The following PATL1 variants were observed in gnomAD, a reference collection of about 807,000 sequenced individuals.
The protein encoded by PATL1 is PAT1 homolog 1, processing body mRNA decay factor.
PATL1 carries 32 observed loss-of-function variants against 100.6 expected under a neutral mutation model. The ratio of observed to expected loss-of-function variants is 0.32; its 90% confidence interval spans 0.24 to 0.43. The LOEUF (loss-of-function observed/expected upper bound fraction) is 0.43, where lower values mean the gene tolerates loss of function less well. PATL1 is among the 20% of genes least tolerant of loss of function. PATL1 has a pLI of 1.00. For synonymous variants in PATL1, 332 were observed against 330.0 expected, an observed-to-expected ratio of 1.01 and a Z score of -0.07; for missense variants, 747 against 949.9, an observed-to-expected ratio of 0.79 and a Z score of 2.81.
chr11:59,648,835 T>A (rs1332515625), intron 14 of PATL1, among the ~76,000 whole-genome samples: 4 of 152,240 alleles, frequency 2.6e-5, no homozygotes, highest in Non-Finnish European at 5.9e-5. Context: ...TTCTTATGTT[T>A]GGTTTTGTGT....
intron 8 of PATL1, among the ~76,000 whole-genome samples, 191 bp downstream of exon 8, chr11:59,655,332 G>T (rs1180189573): frequency 6.6e-6 from 1 of 152,068 alleles, no homozygotes; most frequent in Non-Finnish European, 1.5e-5. Flanking sequence ...CATACCCTCT[G>T]GTAATGTGAG....
chr11:59,640,170 C>T (rs1861255883), intron 16 of PATL1, among the ~76,000 whole-genome samples: 1 of 150,748 alleles, frequency 6.6e-6, no homozygotes, highest in Admixed American at 6.6e-5. Flanking sequence ...GGTGAAACTC[C>T]GTCTCTACTA....
At chr11:59,662,143 A>G (rs187312476) in intron 2 of PATL1, among the ~76,000 whole-genome samples, 2 of 152,334 alleles carry the variant, frequency 1.3e-5, no homozygotes, top group East Asian at 1.9e-4. Context: ...TTTCAAATAT[A>G]TAATTTTGGT....
At chr11:59,659,014 G>A in intron 3 of PATL1, 68 bp from the exon 4 acceptor site, 1 of 1,365,404 alleles carries the variant, frequency 7.3e-7, no homozygotes, top group East Asian at 2.5e-5. Context: ...ATCTGCTGCT[G>A]GGGAACAAGG....
intron 9 of PATL1, among the ~76,000 whole-genome samples, chr11:59,653,398 A>G (rs1461241301): frequency 6.6e-6 from 1 of 152,210 alleles, no homozygotes. Context: ...AAGGGATTTT[A>G]ACACAGGCGA....
At chr11:59,668,857 T>C (rs766855514) in intron 1 of PATL1, 24 bp downstream of exon 1, 47 of 1,289,204 alleles carry the variant, frequency 3.6e-5, no homozygotes, top group Non-Finnish European at 4.5e-5. Flanking sequence ...GAGGGAGGGG[T>C]CACTTCCGGT....
chr11:59,638,287 G>A lies in PATL1; in HGVS notation c.*103C>T, dbSNP rs2134732958. On this transcript the variant is annotated 3_prime_UTR_variant, in exon 19 of 19. Transcript: ENST00000300146. The stretch of plus-strand genomic sequence containing the variant: ...AATCGATCCCACAAGACTTTGCTTT[G>A]GGGAAAAAGCTACCTTCCTTCCCTC... 2 of 1,191,810 alleles carry A rather than the reference G, an allele frequency of 1.7e-6. No homozygotes were observed. The highest frequency in any genetic ancestry group is 2.6e-5 in the South Asian group (2 of 77,252). The allele number at this position is 1,191,810 out of a possible 1,614,324, so 73.8% of individuals were successfully genotyped here.
At chr11:59,639,868 C>T (rs1422623928) in intron 16 of PATL1, 1 of 153,364 alleles carries the variant, frequency 6.5e-6, no homozygotes, top group African/African-American at 2.4e-5. Flanking sequence ...CAAATAAACA[C>T]AACTGAAATA....
chr11:59,639,418 C>T, intron 16 of PATL1, 35 bp from the exon 17 acceptor site: 1 of 1,499,862 alleles, frequency 6.7e-7, no homozygotes, highest in Non-Finnish European at 9.1e-7. Context: ...AAACTCAACA[C>T]TGTGTCTAAA....
chr11:59,667,098 T>G, intron 1 of PATL1, 134 bp from the exon 2 acceptor site: 1 of 1,415,610 alleles, frequency 7.1e-7, no homozygotes, highest in South Asian at 1.6e-5. Context: ...ATGGCATTTT[T>G]TTTCTACTTC....
chr11:59,662,757 G>C (rs1243885993), intron 2 of PATL1, among the ~76,000 whole-genome samples: 1 of 152,122 alleles, frequency 6.6e-6, no homozygotes, highest in Admixed American at 6.5e-5. Context: ...TTGTTCTAAT[G>C]CAGTAGAGTT....
chr11:59,655,059 C>T (rs1390697496), intron 8 of PATL1, among the ~76,000 whole-genome samples: 2 of 152,204 alleles, frequency 1.3e-5, no homozygotes, highest in Non-Finnish European at 2.9e-5. Context: ...GTCTGTCTTA[C>T]AGATTTCGAA....
At chr11:59,649,636 A>T (rs1312610367) in intron 13 of PATL1, 26 bp from the exon 14 acceptor site, 1 of 1,605,572 alleles carries the variant, frequency 6.2e-7, no homozygotes, top group Non-Finnish European at 8.5e-7. Flanking sequence ...AAAGCAGGCC[A>T]CAGCATGCTA....
chr11:59,653,658 T>C (rs946949748), intron 9 of PATL1, among the ~76,000 whole-genome samples: 16 of 152,226 alleles, frequency 1.1e-4, no homozygotes, highest in Admixed American at 1.3e-4. Flanking sequence ...TCTTCCTTCA[T>C]AGAGGAACCA....
At chr11:59,651,786 C>T (rs537401143) in intron 11 of PATL1, 145 bp from the exon 12 acceptor site, 17 of 632,434 alleles carry the variant, frequency 2.7e-5, no homozygotes, top group Admixed American at 1.1e-4. Context: ...TCATTTAGGC[C>T]GGGTGTGGTA....
intron 16 of PATL1, among the ~76,000 whole-genome samples, chr11:59,640,581 G>A (rs946274302): frequency 5.3e-5 from 8 of 150,814 alleles, no homozygotes; most frequent in Non-Finnish European, 1.0e-4. Flanking sequence ...TTAGCCAGGC[G>A]TGGTGGCGGG....
At chr11:59,656,086 A>T in intron 6 of PATL1, 41 bp from the exon 7 acceptor site, 2 of 1,175,892 alleles carry the variant, frequency 1.7e-6, no homozygotes, top group Non-Finnish European at 2.3e-6. Context: ...TATGCTATAA[A>T]ACAGGGGGTA....
chr11:59,638,852 C>T (rs1365302119), intron 18 of PATL1, among the ~76,000 whole-genome samples, 196 bp downstream of exon 18: 3 of 151,906 alleles, frequency 2.0e-5, no homozygotes, highest in Admixed American at 6.6e-5. Context: ...GGCTAATTTT[C>T]GTATTTTTTT....
chr11:59,666,994 C>A (rs1170631385), intron 1 of PATL1, 30 bp from the exon 2 acceptor site: 2 of 1,529,820 alleles, frequency 1.3e-6, no homozygotes, highest in Non-Finnish European at 1.8e-6. Flanking sequence ...ATTAGTTATT[C>A]ATGAAATTCA....
Sources: allele counts gnomAD v4.1 joint callset (sites outside exome capture counted in the v4.1 genomes callset), GRCh38; gene constraint gnomAD v4.1.1; transcripts MANE v1.5; gene names NCBI Gene and HGNC (gene_info 2026-07-23, HGNC 2026-07-21).